FAT4: variants seen among roughly 807,000 people sequenced by gnomAD.
FAT4 encodes FAT atypical cadherin 4, also known as protocadherin Fat 4.
A neutral mutation model predicts 303.9 loss-of-function variants in FAT4; 84 were observed. The ratio of observed to expected loss-of-function variants is 0.28; its 90% CI spans 0.23 to 0.33. The LOEUF (loss-of-function observed/expected upper bound fraction) is 0.33, where lower values mean the gene tolerates loss of function less well. FAT4 is among the 10% of genes least tolerant of loss of function. The probability of loss-of-function intolerance (pLI) is 1.00; values close to 1 mark genes in which losing one functional copy is unlikely to be tolerated. For synonymous variants in FAT4, 2,307 were observed against 2,298.8 expected (o/e 1.00, Z -0.10); for missense variants, 6,005 against 6,146.8 (o/e 0.98, Z 0.77).
intron 14 of FAT4, among the ~76,000 whole-genome samples, chr4:125,478,971 T>G (rs1470301910): frequency 1.3e-5 from 2 of 152,120 alleles, no homozygotes; most frequent in Non-Finnish European, 2.9e-5. Context: ...CTCCCTTCAC[T>G]TCCTGAACAT....
chr4:125,396,650 G>GCA (rs769861721), intron 2 of FAT4, among the ~76,000 whole-genome samples: 11 of 151,316 alleles, frequency 7.3e-5, no homozygotes, highest in East Asian at 1.9e-4. Flanking sequence ...GAGCACACAT[G>GCA]CACACACACA....
At position 125,449,244 on chromosome 4, in the gene FAT4, T is replaced by C. The variant is rs1289845399; in HGVS notation, c.8234T>C (p.Ile2745Thr). 6.2e-7 allele frequency: 1 copy of C among 1,613,822 alleles called. No homozygotes were observed. The highest frequency in any genetic ancestry group is 1.3e-5 in the African/African-American group (1 of 74,902). ...REKVSHYVLT[I>T]KSSDKGSPSQ... Reference sequence around the variant, plus strand: ...AAAGTATCTCATTATGTCCTAACCATAAAATCATCAGACAAAGGGTCCCCG... The same window carrying C: ...AAAGTATCTCATTATGTCCTAACCACAAAATCATCAGACAAAGGGTCCCCG... Residue 2745 changes from isoleucine (I) to threonine (T), a missense_variant, in exon 10 of 18, where the codon ATA (isoleucine) becomes ACA (threonine). Physicochemically the swap from Ile to Thr is moderately conservative, Grantham distance 89. Transcript: ENST00000394329.
At chr4:125,410,502 T>C (rs1734799336) in intron 5 of FAT4, among the ~76,000 whole-genome samples, 1 of 152,154 alleles carries the variant, frequency 6.6e-6, no homozygotes, top group African/African-American at 2.4e-5. Context: ...ACCTATTCCA[T>C]AGATAAGAAT....
Position 125,489,960 on chromosome 4 carries a change from G to C in FAT4, c.13144G>C (p.Gly4382Arg). ...WYGGESLPFS[G>R]KHSLASISKT... ...TGGTGGAGAAAGTCTTCCTTTCAGCGGGAAGCATAGCTTGGCCTCCATCTC... is the reference window on the plus strand; with the variant it reads ...TGGTGGAGAAAGTCTTCCTTTCAGCCGGAAGCATAGCTTGGCCTCCATCTC... Residue 4382 changes from glycine (G) to arginine (R), a missense_variant, in exon 18 of 18, where the codon GGG (glycine) becomes CGG (arginine). Transcript: ENST00000394329. 1.3e-6 allele frequency: 2 copies of C among 1,597,078 alleles called. No individual in the cohort carries two copies. The highest frequency in any genetic ancestry group is 8.5e-7 in the Non-Finnish European group (1 of 1,174,356).
Position 125,407,198 on chromosome 4 carries a change from C to T in FAT4, c.5569+57C>T, listed in dbSNP as rs932807284. The T allele has an allele frequency of 9.7e-5, 144 of 1,490,022 alleles. 1 individual carries two copies. Among genetic ancestry groups the T allele is most frequent in the African/African-American group, 2.0e-4 (14 of 71,604 alleles). The allele number at this position is 1,490,022 out of a possible 1,614,324, so 92.3% of individuals were successfully genotyped here. A position where few individuals can be genotyped will look rare whatever the true frequency, so the allele number is the denominator to read the frequency against. On this transcript the variant is annotated intron_variant, in intron 4 of 17. Transcript: ENST00000394329. ...AAGAATCGCTTTTGAACCAAAATTACATACTATGTTTCGGCTGCTCTTAAT... is the reference window on the plus strand; with the variant it reads ...AAGAATCGCTTTTGAACCAAAATTATATACTATGTTTCGGCTGCTCTTAAT...
intron 12 of FAT4, among the ~76,000 whole-genome samples, chr4:125,469,354 T>C (rs934193576): frequency 1.3e-5 from 2 of 152,176 alleles, no homozygotes; most frequent in Non-Finnish European, 2.9e-5. Flanking sequence ...TATGGAAATG[T>C]CTTAAAATAA....
intron 7 of FAT4, among the ~76,000 whole-genome samples, chr4:125,423,961 T>C (rs1278904240): frequency 6.6e-6 from 1 of 152,262 alleles, no homozygotes. Flanking sequence ...ACCTAATGCC[T>C]GTACCGTATT....
chr4:125,480,995 T>C (rs2126086752), intron 15 of FAT4, among the ~76,000 whole-genome samples: 1 of 152,238 alleles, frequency 6.6e-6, no homozygotes, highest in East Asian at 1.9e-4. Flanking sequence ...TACAATAAAC[T>C]ATAATATACA....
chr4:125,320,670 T>C lies in FAT4; in HGVS notation c.4259T>C (p.Phe1420Ser). Residue 1420 changes from phenylalanine (F) to serine (S), a missense_variant, in exon 2 of 18, where the codon TTT becomes TCT. Phe to Ser is a radical substitution (Grantham distance 155). Transcript: ENST00000394329. ...VRDFNDNPPS[F>S]PPGDIFKSIV... is the part of the protein sequence containing the mutation. Reference sequence around the variant, plus strand: ...GACTTTAATGACAATCCTCCTAGCTTTCCTCCTGGAGATATTTTCAAGTCT... The same window carrying C: ...GACTTTAATGACAATCCTCCTAGCTCTCCTCCTGGAGATATTTTCAAGTCT... The C allele has an allele frequency of 6.2e-7, 1 of 1,613,894 alleles. No homozygotes were observed.
In FAT4 at chr4:125,446,017, G is replaced by A. The variant is rs575665548; in HGVS notation, c.7200-276G>A. On this transcript the variant is annotated intron_variant, in intron 8 of 17. Coordinates refer to ENST00000394329, the MANE Select transcript of FAT4 (RefSeq NM_001291303.3). The stretch of plus-strand genomic sequence containing the variant: ...GGCTCATTTATTTAAAGCCTTAGGG[G>A]TTTGTTTGGTGGCCTTGCACAACTT... The A allele has an allele frequency of 2.0e-3, 501 of 255,166 alleles. 6 individuals carry two copies. The highest frequency in any genetic ancestry group is 2.6e-3 in the Admixed American group (51 of 19,950). The allele number at this position is 255,166 out of a possible 1,614,324, so 15.8% of individuals were successfully genotyped here. A position where few individuals can be genotyped will look rare whatever the true frequency, so the allele number is the denominator to read the frequency against.
chr4:125,388,536 G>T (rs1420190676), intron 2 of FAT4, among the ~76,000 whole-genome samples: 1 of 152,128 alleles, frequency 6.6e-6, no homozygotes, highest in African/African-American at 2.4e-5. Context: ...TAGGGTGTTT[G>T]TTTTGAAGAA....
chr4:125,439,596 C>T (rs1725580958), intron 8 of FAT4, among the ~76,000 whole-genome samples: 1 of 151,950 alleles, frequency 6.6e-6, no homozygotes, highest in South Asian at 2.1e-4. Context: ...GCCTTGGCCT[C>T]CCAAAGTGCT....
At chr4:125,353,009 C>T (rs538347797) in intron 2 of FAT4, among the ~76,000 whole-genome samples, 2 of 151,786 alleles carry the variant, frequency 1.3e-5, no homozygotes, top group African/African-American at 4.8e-5. Context: ...GTATGGAAAT[C>T]TTAAAAATAT....
chr4:125,448,539 G>C lies in FAT4; in HGVS notation c.7529G>C (p.Arg2510Thr). The change falls in exon 10 of 18, where the codon AGA (arginine) becomes ACA (threonine). Residue 2510 changes from arginine (R) to threonine (T), a missense_variant. Coordinates refer to ENST00000394329, the MANE Select transcript of FAT4 (RefSeq NM_001291303.3). Reference sequence around the variant, plus strand: ...GAACTGCATTATTCTCTTTCGGGTAGAAATTCTGAAAAATTTCACATTGAC... The same window carrying C: ...GAACTGCATTATTCTCTTTCGGGTACAAATTCTGAAAAATTTCACATTGAC... ...NSELHYSLSGRNSEKFHIDPL... is the reference protein window; with the variant it reads ...NSELHYSLSGTNSEKFHIDPL... 6.2e-7 allele frequency: 1 copy of C among 1,613,816 alleles called. No individual in the cohort carries two copies. The highest frequency in any genetic ancestry group is 8.5e-7 in the Non-Finnish European group (1 of 1,179,854).
In FAT4 at chr4:125,318,306, T is replaced by G. The variant is rs1730738825; in HGVS notation, c.1895T>G (p.Phe632Cys). The G allele has an allele frequency of 6.2e-7, 1 of 1,614,204 alleles. No homozygotes were observed. The highest frequency in any genetic ancestry group is 1.3e-5 in the African/African-American group (1 of 75,058). ...GAGGCAGAGACTGACCGGAGGTCCT[T>G]CCGTCTGGATCCTGTGTCTGGGAGG... ...LQEAETDRRSFRLDPVSGRLS... is the reference protein window; with the variant it reads ...LQEAETDRRSCRLDPVSGRLS... The change falls in exon 2 of 18, where the codon TTC becomes TGC. Residue 632 changes from phenylalanine (F) to cysteine (C), a missense_variant. By Grantham distance (205) the Phe-to-Cys change is radical (BLOSUM62 -2). Coordinates refer to ENST00000394329, the MANE Select transcript of FAT4 (RefSeq NM_001291303.3).
chr4:125,450,236 A>G lies in FAT4; in HGVS notation c.9226A>G (p.Thr3076Ala). 3 of 1,614,070 alleles carry G rather than the reference A, an allele frequency of 1.9e-6. No homozygotes were observed. The highest frequency in any genetic ancestry group is 2.5e-6 in the Non-Finnish European group (3 of 1,180,004). The change falls in exon 10 of 18, where the codon ACT becomes GCT. Residue 3076 changes from threonine (T) to alanine (A), a missense_variant. Thr to Ala is a moderately conservative substitution (Grantham distance 58). Transcript: ENST00000394329. Reference protein sequence around the residue: ...KGNPPLSSQATVHITVTEENY... With the variant: ...KGNPPLSSQAAVHITVTEENY... The stretch of plus-strand genomic sequence containing the variant: ...AAACCCTCCACTTTCTTCCCAAGCA[A>G]CTGTTCACATAACTGTCACTGAGGA...
At chr4:125,440,610 T>TGTGAGAGA (rs372756130) in intron 8 of FAT4, among the ~76,000 whole-genome samples, 6,850 of 75,778 alleles carry the variant, frequency 0.09, 484 homozygotes, top group Middle Eastern at 0.15. Flanking sequence ...TGTGTGTGTG[T>TGTGAGAGA]GAGAGAGAGA....
intron 16 of FAT4, among the ~76,000 whole-genome samples, chr4:125,482,653 A>G (rs17804930): frequency 0.16 from 24,026 of 152,112 alleles, 2,211 homozygotes; most frequent in Middle Eastern, 0.27. Flanking sequence ...ATTTTCATCT[A>G]TTAGTCAATA....
At chr4:125,387,397 C>T (rs536066073) in intron 2 of FAT4, among the ~76,000 whole-genome samples, 45 of 152,196 alleles carry the variant, frequency 3.0e-4, no homozygotes, top group African/African-American at 9.6e-4. Flanking sequence ...AGATGGCGAC[C>T]ATGTTATCAT....
Sources: gnomAD v4.1 joint callset for allele counts (sites outside exome capture counted in the v4.1 genomes callset) on GRCh38, gnomAD v4.1.1 for gene constraint, MANE v1.5 for transcripts, NCBI Gene and HGNC (gene_info 2026-07-23, HGNC 2026-07-21) for gene names.